EYS: variants seen among roughly 807,000 people sequenced by gnomAD.
The protein encoded by EYS is protein eyes shut homolog.
EYS carries 250 observed loss-of-function variants against 282.1 expected under a neutral mutation model. That is an observed-to-expected ratio of 0.89 (90% CI 0.80 to 0.98). EYS has a LOEUF of 0.98. EYS is among the 50% of genes least tolerant of loss of function. The pLI is 0.00. For synonymous variants in EYS, 1,355 were observed against 1,282.9 expected, an observed-to-expected ratio of 1.06 and a Z score of -1.20; for missense variants, 4,016 against 3,709.0, an observed-to-expected ratio of 1.08 and a Z score of -2.15.
chr6:64,437,078 T>A (rs1335218941), intron 27 of EYS, among the ~76,000 whole-genome samples: 1 of 150,550 alleles, frequency 6.6e-6, no homozygotes, highest in Non-Finnish European at 1.5e-5. Context: ...ATAAAGATAA[T>A]GCTATATATT....
chr6:64,965,358 G>C (rs1254096453), intron 14 of EYS, among the ~76,000 whole-genome samples: 1 of 151,680 alleles, frequency 6.6e-6, no homozygotes, highest in Non-Finnish European at 1.5e-5. Context: ...AATAGCTATT[G>C]TTTATAGGCC....
At chr6:65,113,116 G>A (rs999794517) in intron 12 of EYS, among the ~76,000 whole-genome samples, 3 of 152,004 alleles carry the variant, frequency 2.0e-5, no homozygotes, top group South Asian at 4.1e-4. Flanking sequence ...AGTTGTGCAC[G>A]TAAGCAGAAA....
chr6:64,139,028 C>G (rs1276221308), intron 31 of EYS, among the ~76,000 whole-genome samples: 1 of 151,868 alleles, frequency 6.6e-6, no homozygotes, highest in Non-Finnish European at 1.5e-5. Flanking sequence ...TATCTAGGAT[C>G]TAGATAAAGA....
At chr6:64,442,433 A>G (rs969884735) in intron 26 of EYS, among the ~76,000 whole-genome samples, 1 of 152,212 alleles carries the variant, frequency 6.6e-6, no homozygotes, top group Non-Finnish European at 1.5e-5. Flanking sequence ...CCATTTTCTG[A>G]GGAGAAATTA....
Position 65,046,005 on chromosome 6 carries a change from A to G in EYS, c.2137+11609T>C, listed in dbSNP as rs559538912. ...AAACCTGTTTCATTATTATTGCATC[A>G]TATTCCTTTTGTCCCTCTTAAGCAA... On this transcript the variant is annotated intron_variant, in intron 13 of 42. Coordinates refer to ENST00000503581, the MANE Select transcript of EYS (RefSeq NM_001142800.2). Among the ~76,000 whole-genome samples the G allele has an allele frequency of 6.0e-4, 91 of 151,994 alleles. 1 individual carries two copies. The highest frequency in any genetic ancestry group is 2.2e-3 in the African/African-American group (91 of 41,510).
intron 26 of EYS, among the ~76,000 whole-genome samples, chr6:64,498,512 T>A (rs960594715): frequency 2.6e-5 from 4 of 152,094 alleles, no homozygotes; most frequent in Admixed American, 2.6e-4. Context: ...ACATGCAGGT[T>A]TGTTACATAG....
At chr6:65,332,289 A>G (rs532012328) in intron 11 of EYS, 3 of 704,142 alleles carry the variant, frequency 4.3e-6, no homozygotes, top group East Asian at 2.7e-5. Flanking sequence ...GATACATTAA[A>G]TTACATTAAT....
At chr6:65,477,715 G>A (rs777360489) in intron 5 of EYS, among the ~76,000 whole-genome samples, 7 of 152,072 alleles carry the variant, frequency 4.6e-5, no homozygotes, top group Non-Finnish European at 1.0e-4. Context: ...AATACACTCT[G>A]AGTCAAAAAT....
intron 26 of EYS, among the ~76,000 whole-genome samples, chr6:64,445,955 A>T (rs890702005): frequency 3.3e-5 from 5 of 152,168 alleles, no homozygotes; most frequent in Non-Finnish European, 2.9e-5. Context: ...ATTTCTCCAC[A>T]TTCATGAATT....
intron 34 of EYS, 100 bp from the exon 35 acceptor site, chr6:63,984,703 G>T: frequency 1.0e-6 from 1 of 958,972 alleles, no homozygotes; most frequent in Non-Finnish European, 1.6e-6. Context: ...GTTTTAATGT[G>T]TTTTTCTGTG....
chr6:64,497,809 G>A (rs1435904155), intron 26 of EYS, among the ~76,000 whole-genome samples: 1 of 152,062 alleles, frequency 6.6e-6, no homozygotes, highest in Admixed American at 6.6e-5. Context: ...AATAAATCTT[G>A]GTAACTATCT....
intron 12 of EYS, among the ~76,000 whole-genome samples, chr6:65,124,087 T>A (rs952099440): frequency 1.3e-5 from 2 of 151,992 alleles, no homozygotes; most frequent in African/African-American, 4.8e-5. Flanking sequence ...GGTAGGCGGA[T>A]CCCTTGAGCC....
At chr6:64,759,233 A>G (rs920922234) in intron 22 of EYS, among the ~76,000 whole-genome samples, 2 of 152,182 alleles carry the variant, frequency 1.3e-5, no homozygotes, top group African/African-American at 4.8e-5. Flanking sequence ...GGGCTAGGTG[A>G]TACTTGTTTC....
chr6:65,317,825 C>CTTTCTTTCTTTCTTTCTTT (rs1769342463), intron 11 of EYS, among the ~76,000 whole-genome samples: 2 of 81,292 alleles, frequency 2.5e-5, no homozygotes, highest in Admixed American at 1.2e-4. Context: ...TTCCTTCCTT[C>CTTTCTTTCTTTCTTTCTTT]CTTTCTTTCT....
chr6:64,743,327 C>T (rs1289695810), intron 22 of EYS, among the ~76,000 whole-genome samples: 1 of 151,916 alleles, frequency 6.6e-6, no homozygotes, highest in Non-Finnish European at 1.5e-5. Flanking sequence ...GGCACCAGGC[C>T]CAATCTAAAA....
intron 32 of EYS, among the ~76,000 whole-genome samples, chr6:64,076,702 G>C (rs137888833): frequency 0.011 from 1,660 of 152,010 alleles, 26 homozygotes; most frequent in African/African-American, 0.038. Flanking sequence ...CCGTGGAACT[G>C]TGAGTCCATT....
rs561980290 is a variant in EYS, at chr6:65,305,263, A to G, written c.1767-9144T>C. 4.6e-5 allele frequency among the ~76,000 whole-genome samples: 7 copies of G among 152,316 alleles called. No individual in the cohort carries two copies. In the South Asian group the frequency reaches 1.4e-3, roughly 32 times the overall value. The stretch of plus-strand genomic sequence containing the variant: ...CAAGTGAAAGGGTGCAAGCAAACTT[A>G]GTGACTCCTTGAGGTGTTTGTCAGT... On this transcript the variant is annotated intron_variant, in intron 11 of 42. Transcript: ENST00000503581.
intron 32 of EYS, among the ~76,000 whole-genome samples, chr6:64,072,549 T>C (rs557704878): frequency 2.0e-5 from 3 of 151,962 alleles, no homozygotes; most frequent in African/African-American, 7.2e-5. Context: ...AGTTGGAGCA[T>C]ATTTAGAAAC....
chr6:64,870,560 C>T (rs1766565803), intron 19 of EYS, among the ~76,000 whole-genome samples: 1 of 151,440 alleles, frequency 6.6e-6, no homozygotes, highest in African/African-American at 2.4e-5. Context: ...AAAAGATGGC[C>T]CATTGAAATG....
Sources: gnomAD v4.1 joint callset for allele counts (sites outside exome capture counted in the v4.1 genomes callset) on GRCh38, gnomAD v4.1.1 for gene constraint, MANE v1.5 for transcripts, NCBI Gene and HGNC (gene_info 2026-07-23, HGNC 2026-07-21) for gene names.